Variants in CDH13 observed in about 807,000 individuals in gnomAD.
CDH13 encodes cadherin 13, also known as cadherin-13.
Under a neutral mutation model 63.8 loss-of-function variants are expected in CDH13, and 24 were observed. That is an observed-to-expected ratio of 0.38 (90% CI 0.27 to 0.53). The LOEUF (loss-of-function observed/expected upper bound fraction) is 0.53. Ranked by LOEUF, CDH13 falls within the 20% of genes least tolerant of loss-of-function variation. The pLI is 0.85. For synonymous variants in CDH13, 503 were observed against 355.3 expected (o/e 1.42, Z -4.67); for missense variants, 1,049 against 903.1 (o/e 1.16, Z -2.07).
At chr16:82,746,135 A>T (rs2034154735) in intron 1 of CDH13, among the ~76,000 whole-genome samples, 2 of 151,670 alleles carry the variant, frequency 1.3e-5, no homozygotes, top group Non-Finnish European at 2.9e-5. Flanking sequence ...ACATATAAGC[A>T]CACATCAAAC....
chr16:83,098,763 C>A (rs896539458), intron 3 of CDH13, among the ~76,000 whole-genome samples: 1 of 152,158 alleles, frequency 6.6e-6, no homozygotes, highest in African/African-American at 2.4e-5. Context: ...GTGTCTTCTT[C>A]CCTCTAGCTG....
At chr16:83,085,321 T>C (rs1302101702) in intron 3 of CDH13, among the ~76,000 whole-genome samples, 2 of 152,090 alleles carry the variant, frequency 1.3e-5, no homozygotes, top group Non-Finnish European at 2.9e-5. Flanking sequence ...GCCCCCAGGA[T>C]TCAATTACCT....
intron 13 of CDH13, among the ~76,000 whole-genome samples, chr16:83,788,888 C>T (rs1055306316): frequency 1.3e-5 from 2 of 151,610 alleles, no homozygotes; most frequent in African/African-American, 4.9e-5. Flanking sequence ...TCAGTTGACA[C>T]TCCAATGGTT....
chr16:82,777,179 G>C (rs2035538873), intron 1 of CDH13, among the ~76,000 whole-genome samples: 1 of 152,144 alleles, frequency 6.6e-6, no homozygotes, highest in African/African-American at 2.4e-5. Context: ...GTGTTACCCA[G>C]AGTGGTCTCC....
chr16:82,656,618 C>G (rs1911325503), intron 1 of CDH13, among the ~76,000 whole-genome samples: 1 of 152,164 alleles, frequency 6.6e-6, no homozygotes, highest in South Asian at 2.1e-4. Flanking sequence ...AGGGTTCACT[C>G]TTGGTGCTGT....
chr16:83,523,064 G>A (rs2074877369), intron 7 of CDH13, among the ~76,000 whole-genome samples: 1 of 152,034 alleles, frequency 6.6e-6, no homozygotes. Context: ...AGCATTTCTG[G>A]ACCCCCGGCC....
At chr16:82,932,987 T>A (rs1229951267) in intron 2 of CDH13, among the ~76,000 whole-genome samples, 1 of 152,198 alleles carries the variant, frequency 6.6e-6, no homozygotes, top group Non-Finnish European at 1.5e-5. Context: ...TTAATTTTAA[T>A]ATCAGTATAT....
chr16:82,649,118 A>T (rs1441698620), intron 1 of CDH13, among the ~76,000 whole-genome samples: 1 of 152,186 alleles, frequency 6.6e-6, no homozygotes, highest in Non-Finnish European at 1.5e-5. Flanking sequence ...CTTTCTTTAC[A>T]TTTGTTGCTT....
intron 6 of CDH13, among the ~76,000 whole-genome samples, chr16:83,436,106 C>G (rs1198779751): frequency 6.6e-6 from 1 of 152,150 alleles, no homozygotes; most frequent in Non-Finnish European, 1.5e-5. Flanking sequence ...GCACCCGTCA[C>G]AAAGAATGAT....
Position 83,032,036 on chromosome 16 carries a change from G to C in CDH13, c.184G>C (p.Asp62His). The change falls in exon 3 of 14, where the codon GAC becomes CAC. Residue 62 changes from aspartate to histidine, a missense_variant. Asp to His is a moderately conservative substitution (Grantham distance 81, BLOSUM62 -1). Transcript: ENST00000567109. Reference sequence around the variant, plus strand: ...GACCTTCAGTGACTGTAAGGGAAACGACAAGCTACGCTATGAGGTCTCGAG... The same window carrying C: ...GACCTTCAGTGACTGTAAGGGAAACCACAAGCTACGCTATGAGGTCTCGAG... Reference protein sequence around the residue: ...NLTFSDCKGNDKLRYEVSSPY... With the variant: ...NLTFSDCKGNHKLRYEVSSPY... 6.2e-7 allele frequency: 1 copy of C among 1,600,858 alleles called. No individual in the cohort carries two copies. The highest frequency in any genetic ancestry group is 8.5e-7 in the Non-Finnish European group (1 of 1,173,722).
intron 6 of CDH13, among the ~76,000 whole-genome samples, chr16:83,443,085 C>T (rs1269818367): frequency 1.3e-5 from 2 of 152,212 alleles, no homozygotes; most frequent in Admixed American, 6.5e-5. Flanking sequence ...TATTTCATCT[C>T]AGCAGACTGA....
At chr16:82,985,941 A>T (rs1278196780) in intron 2 of CDH13, among the ~76,000 whole-genome samples, 2 of 152,030 alleles carry the variant, frequency 1.3e-5, no homozygotes, top group East Asian at 3.9e-4. Context: ...ACCTTCCACC[A>T]TGACTGGAAG....
intron 4 of CDH13, among the ~76,000 whole-genome samples, chr16:83,162,591 G>T (rs1167775939): frequency 6.6e-6 from 1 of 150,698 alleles, no homozygotes; most frequent in Non-Finnish European, 1.5e-5. Context: ...CAGTCAGAGG[G>T]GAATCAGGGC....
At chr16:83,173,836 T>A (rs1415664622) in intron 4 of CDH13, among the ~76,000 whole-genome samples, 1 of 152,064 alleles carries the variant, frequency 6.6e-6, no homozygotes, top group Non-Finnish European at 1.5e-5. Context: ...AGCATCCATC[T>A]TGCTGTCCTT....
intron 2 of CDH13, among the ~76,000 whole-genome samples, chr16:82,901,370 G>A (rs1436812545): frequency 6.8e-6 from 1 of 147,526 alleles, no homozygotes; most frequent in Non-Finnish European, 1.5e-5. Flanking sequence ...GTGTGTGTCT[G>A]ATGATTGGGG....
chr16:83,320,460 A>G (rs183252925), intron 5 of CDH13, among the ~76,000 whole-genome samples: 1 of 152,326 alleles, frequency 6.6e-6, no homozygotes, highest in East Asian at 1.9e-4. Context: ...GGTAGGCTGG[A>G]CACAGGATGA....
chr16:83,780,244 A>T (rs766668453), intron 12 of CDH13, 43 bp downstream of exon 12: 2 of 1,330,372 alleles, frequency 1.5e-6, no homozygotes, highest in Non-Finnish European at 2.1e-6. Flanking sequence ...TCCAGCTTTC[A>T]GTTTATTTTC....
chr16:83,171,698 C>A, intron 4 of CDH13: 2 of 734,768 alleles, frequency 2.7e-6, no homozygotes, highest in Non-Finnish European at 4.7e-6. Flanking sequence ...AGGCACGCCT[C>A]TCCCATTTCC....
chr16:83,171,677 T>A (rs1158617420), intron 4 of CDH13: 2 of 914,700 alleles, frequency 2.2e-6, no homozygotes, highest in East Asian at 2.6e-5. Context: ...GCAAATAGCA[T>A]GCTCTTTGGC....
Sources: gnomAD v4.1 joint callset for allele counts (sites outside exome capture counted in the v4.1 genomes callset) on GRCh38, gnomAD v4.1.1 for gene constraint, MANE v1.5 for transcripts, NCBI Gene and HGNC (gene_info 2026-07-23, HGNC 2026-07-21) for gene names.